The following MSH4 variants were observed in gnomAD, a reference collection of about 807,000 sequenced individuals.
MSH4 encodes the protein mutS homolog 4, also known as mutS protein homolog 4.
Under a neutral mutation model 113.7 loss-of-function variants are expected in MSH4, and 106 were observed. The observed-to-expected ratio is 0.93, with a 90% CI of 0.80 to 1.10. The LOEUF is 1.10. Ranked by LOEUF, MSH4 falls within the 50% of genes least tolerant of loss-of-function variation. MSH4 has a pLI of 0.00. For missense variants in MSH4, 1,061 were observed against 1,093.7 expected (o/e 0.97, Z 0.42); for synonymous variants, 368 against 380.2 (o/e 0.97, Z 0.37).
intron 8 of MSH4, among the ~76,000 whole-genome samples, chr1:75,866,868 T>C (rs774733300): frequency 3.3e-5 from 5 of 152,158 alleles, no homozygotes; most frequent in African/African-American, 1.2e-4. Context: ...GTCATAATTG[T>C]AGTCCTAAAA....
At chr1:75,904,665 C>T (rs1652581491) in intron 19 of MSH4, among the ~76,000 whole-genome samples, 1 of 152,014 alleles carries the variant, frequency 6.6e-6, no homozygotes, top group African/African-American at 2.4e-5. Flanking sequence ...TACACACCAC[C>T]ACATCTGGCT....
chr1:75,814,689 ACAAAAGATTACTAAAAGG>A (rs1362579387), intron 4 of MSH4, among the ~76,000 whole-genome samples: 1 of 152,284 alleles, frequency 6.6e-6, no homozygotes, highest in South Asian at 2.1e-4. Flanking sequence ...TACAATCTAT[ACAAAAGATTACTAAAAGG>A]CAAAAGATTA....
At chr1:75,897,800 C>A in intron 17 of MSH4, 107 bp from the exon 18 acceptor site, 2 of 604,046 alleles carry the variant, frequency 3.3e-6, no homozygotes, top group South Asian at 5.7e-5. Flanking sequence ...ACATCTCTGC[C>A]AAGCTACTTA....
chr1:75,811,252 C>T (rs927385292), intron 4 of MSH4, among the ~76,000 whole-genome samples: 2 of 152,002 alleles, frequency 1.3e-5, no homozygotes, highest in Admixed American at 6.6e-5. Context: ...TATTTAGTGT[C>T]CTAAAGTAGT....
intron 8 of MSH4, among the ~76,000 whole-genome samples, chr1:75,849,504 A>G (rs1651142283): frequency 6.6e-6 from 1 of 152,074 alleles, no homozygotes. Context: ...ATATTTGGGA[A>G]GCCTTTTTGT....
chr1:75,882,965 T>TTTAAAGTACAATCAA lies in MSH4; in HGVS notation c.1907-654_1907-640dup, dbSNP rs546469617. ...GTATTACCAGTAACCAACTATGATT[T>TTTAAAGTACAATCAA]TTAAAGTACAATCAATGAGTACTTG... On this transcript the variant is annotated intron_variant, in intron 14 of 19. Transcript: ENST00000263187. Among the ~76,000 whole-genome samples the TTTAAAGTACAATCAA allele has an allele frequency of 1.1e-4, 17 of 152,248 alleles. No individual in the cohort carries two copies. In the East Asian group the frequency reaches 2.9e-3, roughly 26 times the overall value.
At position 75,880,030 on chromosome 1, in the gene MSH4, G is replaced by A. The variant is rs201623020; in HGVS notation, c.1678-20G>A. The A allele has an allele frequency of 7.1e-6, 9 of 1,260,292 alleles. No individual in the cohort carries two copies. Among genetic ancestry groups the A allele is most frequent in the Non-Finnish European group, 5.8e-6 (5 of 865,844 alleles). 78.1% of individuals were successfully genotyped at this position (1,260,292 alleles called of 1,614,324 possible). A position where few individuals can be genotyped will look rare whatever the true frequency, so the allele number is the denominator to read the frequency against. ...GTAGTGTGCATTTATCTTGACATTT[G>A]TTTTTTAATCTCCAAGCAGATTTCT... On this transcript the variant is annotated intron_variant, in intron 12 of 19. Transcript: ENST00000263187.
At chr1:75,829,759 G>C (rs534589619) in intron 7 of MSH4, among the ~76,000 whole-genome samples, 2 of 152,204 alleles carry the variant, frequency 1.3e-5, no homozygotes, top group African/African-American at 4.8e-5. Flanking sequence ...AAACAGAAAG[G>C]ACATCCACAC....
At chr1:75,799,827 T>A (rs1649896713) in intron 1 of MSH4, among the ~76,000 whole-genome samples, 1 of 152,104 alleles carries the variant, frequency 6.6e-6, no homozygotes, top group Non-Finnish European at 1.5e-5. Context: ...TTCTGGGAAT[T>A]TTGTAGGCAA....
At chr1:75,910,654 T>C (rs560062986) in intron 19 of MSH4, among the ~76,000 whole-genome samples, 1 of 152,280 alleles carries the variant, frequency 6.6e-6, no homozygotes, top group South Asian at 2.1e-4. Context: ...CTTTCTAAAA[T>C]CTGCACTTGG....
At chr1:75,864,787 G>A (rs1268483264) in intron 8 of MSH4, among the ~76,000 whole-genome samples, 3 of 151,954 alleles carry the variant, frequency 2.0e-5, no homozygotes, top group Admixed American at 2.0e-4. Context: ...AGTTTAATTT[G>A]CACTGAACAT....
chr1:75,862,679 G>T (rs1329908045), intron 8 of MSH4, among the ~76,000 whole-genome samples: 1 of 152,004 alleles, frequency 6.6e-6, no homozygotes, highest in Non-Finnish European at 1.5e-5. Context: ...GTTTTGAAGG[G>T]CTCTTTTCTC....
At chr1:75,841,016 G>T (rs903922400) in intron 7 of MSH4, among the ~76,000 whole-genome samples, 2 of 152,122 alleles carry the variant, frequency 1.3e-5, no homozygotes, top group Non-Finnish European at 2.9e-5. Context: ...AATCCTAGCA[G>T]TGATATTCGA....
intron 19 of MSH4, among the ~76,000 whole-genome samples, chr1:75,906,514 A>AC (rs370543895): frequency 1.6e-3 from 2 of 1,262 alleles, no homozygotes; most frequent in African/African-American, 2.9e-3. Context: ...TATAATATAT[A>AC]ATATGTATAT....
At chr1:75,850,133 T>C (rs1307151189) in intron 8 of MSH4, among the ~76,000 whole-genome samples, 3 of 152,114 alleles carry the variant, frequency 2.0e-5, no homozygotes, top group African/African-American at 4.8e-5. Context: ...TTCTATTTCA[T>C]TGGTTTCTCT....
chr1:75,816,569 T>C (rs1424057091), intron 6 of MSH4, 23 bp downstream of exon 6: 3 of 1,340,250 alleles, frequency 2.2e-6, no homozygotes, highest in Non-Finnish European at 3.1e-6. Flanking sequence ...ATTTTATTTG[T>C]ATAAAATATA....
chr1:75,912,656 T>G, intron 19 of MSH4, 40 bp from the exon 20 acceptor site: 1 of 1,170,336 alleles, frequency 8.5e-7, no homozygotes, highest in Non-Finnish European at 1.1e-6. Context: ...ATTATGGTAT[T>G]TGTGTATATA....
chr1:75,800,295 T>G (rs927631954), intron 1 of MSH4, among the ~76,000 whole-genome samples: 2 of 152,164 alleles, frequency 1.3e-5, no homozygotes, highest in African/African-American at 4.8e-5. Flanking sequence ...AAATATTCTC[T>G]TTATCAAATT....
intron 17 of MSH4, among the ~76,000 whole-genome samples, chr1:75,892,311 T>A (rs1348019743): frequency 6.6e-6 from 1 of 152,162 alleles, no homozygotes; most frequent in African/African-American, 2.4e-5. Flanking sequence ...TTGGTACTTG[T>A]TAGCCTTCAT....
Sources: allele counts gnomAD v4.1 joint callset (sites outside exome capture counted in the v4.1 genomes callset), GRCh38; gene constraint gnomAD v4.1.1; transcripts MANE v1.5; gene names NCBI Gene and HGNC (gene_info 2026-07-23, HGNC 2026-07-21).